FNBP1: variants seen among roughly 807,000 people sequenced by gnomAD.
FNBP1 encodes the protein formin-binding protein 1.
FNBP1 carries 26 observed loss-of-function variants against 90.6 expected under a neutral mutation model. That is an observed-to-expected ratio of 0.29 (90% CI 0.21 to 0.40). The LOEUF (loss-of-function observed/expected upper bound fraction) is 0.40, where lower values mean the gene tolerates loss of function less well. FNBP1 is among the 10% of genes least tolerant of loss of function. The pLI, the probability that FNBP1 is intolerant of heterozygous loss-of-function variation, is 1.00. For missense variants in FNBP1, 635 were observed against 768.0 expected (o/e 0.83, Z 2.05); for synonymous variants, 260 against 265.2 (o/e 0.98, Z 0.19).
chr9:130,007,652 G>A (rs909536329), intron 1 of FNBP1, among the ~76,000 whole-genome samples: 2 of 152,096 alleles, frequency 1.3e-5, no homozygotes, highest in Admixed American at 6.6e-5. Flanking sequence ...TACGGATGCG[G>A]TAAAAGCAAC....
chr9:129,919,472 T>C (rs1237806041), intron 10 of FNBP1, among the ~76,000 whole-genome samples: 3 of 152,202 alleles, frequency 2.0e-5, no homozygotes, highest in Non-Finnish European at 2.9e-5. Flanking sequence ...AAATTCCCCT[T>C]TGTAGACTGC....
chr9:129,938,996 A>G lies in FNBP1; in HGVS notation c.514-9301T>C, dbSNP rs1484415601. 2.0e-5 allele frequency among the ~76,000 whole-genome samples: 3 copies of G among 152,040 alleles called. No individual in the cohort carries two copies. The East Asian group carries it at 5.8e-4, about 30-fold the overall frequency. ...TTGAAATTGATTATTATTACTTTTG[A>G]GACAGAGTATCCCTCTTGTCACCCA... On this transcript the variant is annotated intron_variant, in intron 6 of 16. Transcript: ENST00000446176.
intron 6 of FNBP1, among the ~76,000 whole-genome samples, chr9:129,945,141 C>T (rs2045042655): frequency 6.6e-6 from 1 of 152,006 alleles, no homozygotes; most frequent in Non-Finnish European, 1.5e-5. Flanking sequence ...ATATAAACTC[C>T]ACAGACATAA....
At chr9:130,007,246 A>AAAAAAAAAAAAAAG (rs2055872007) in intron 1 of FNBP1, among the ~76,000 whole-genome samples, 1 of 148,930 alleles carries the variant, frequency 6.7e-6, no homozygotes, top group African/African-American at 2.5e-5. Flanking sequence ...TGTCAAAAAA[A>AAAAAAAAAAAAAAG]AAAAAAAAAA....
intron 1 of FNBP1, among the ~76,000 whole-genome samples, chr9:130,007,254 A>AAG (rs1554852455): frequency 7.3e-5 from 11 of 150,676 alleles, no homozygotes; most frequent in Non-Finnish European, 1.2e-4. Flanking sequence ...AAAAAAAAAA[A>AAG]AAAGAAAAAA....
At chr9:129,928,301 A>G (rs41367050) in intron 7 of FNBP1, among the ~76,000 whole-genome samples, 12,326 of 152,330 alleles carry the variant, frequency 0.081, 558 homozygotes, top group East Asian at 0.099. Context: ...TCTATAGTTA[A>G]GTTGGCATTT....
chr9:129,995,504 A>ACTGGG (rs2053854524), intron 1 of FNBP1, among the ~76,000 whole-genome samples: 2 of 152,176 alleles, frequency 1.3e-5, no homozygotes, highest in Non-Finnish European at 2.9e-5. Context: ...AAATGAACAA[A>ACTGGG]AATACAGCCT....
At chr9:129,985,230 T>TAC (rs1564504272) in intron 2 of FNBP1, among the ~76,000 whole-genome samples, 1 of 152,168 alleles carries the variant, frequency 6.6e-6, no homozygotes, top group East Asian at 1.9e-4. Context: ...AACACTCACC[T>TAC]ACACTCCATC....
intron 12 of FNBP1, among the ~76,000 whole-genome samples, chr9:129,907,542 C>T (rs1285500048): frequency 6.6e-6 from 1 of 150,776 alleles, no homozygotes; most frequent in African/African-American, 2.5e-5. Context: ...CAGTGGTATA[C>T]CTCTTGAGAC....
At chr9:129,921,496 C>T (rs112865641) in intron 10 of FNBP1, among the ~76,000 whole-genome samples, 1,949 of 151,976 alleles carry the variant, frequency 0.013, 18 homozygotes, top group Middle Eastern at 0.024. Context: ...CAGGTCCAAG[C>T]GATTCTCCTG....
At chr9:129,924,349 A>C (rs2041567178) in intron 9 of FNBP1, among the ~76,000 whole-genome samples, 1 of 152,230 alleles carries the variant, frequency 6.6e-6, no homozygotes, top group Non-Finnish European at 1.5e-5. Flanking sequence ...ACATTACCTA[A>C]ACTAACATAG....
intron 4 of FNBP1, among the ~76,000 whole-genome samples, chr9:129,971,566 T>G (rs1431767723): frequency 2.0e-5 from 3 of 152,176 alleles, no homozygotes; most frequent in Admixed American, 2.0e-4. Flanking sequence ...AATTTTTGTA[T>G]TTTTAGCAGA....
intron 6 of FNBP1, among the ~76,000 whole-genome samples, chr9:129,930,058 A>ATT (rs374886919): frequency 2.2e-5 from 3 of 138,260 alleles, no homozygotes; most frequent in South Asian, 2.3e-4. Context: ...TGAGAAATTC[A>ATT]TTTTTTTTTT....
chr9:130,053,321 A>T, the FNBP1 span: 1 of 152,502 alleles, frequency 6.6e-6, no homozygotes, highest in East Asian at 1.9e-4. Flanking sequence ...TTACCTGTAA[A>T]GTAGGAATAA....
chr9:129,981,948 C>T (rs550367753), intron 2 of FNBP1, among the ~76,000 whole-genome samples: 88 of 152,264 alleles, frequency 5.8e-4, no homozygotes, highest in African/African-American at 2.0e-3. Context: ...TTGGCATACA[C>T]GTCAACATAT....
chr9:130,050,796 A>G, the FNBP1 span, among the ~76,000 whole-genome samples: 1 of 145,494 alleles, frequency 6.9e-6, no homozygotes, highest in Non-Finnish European at 1.5e-5. Context: ...GCGTGTCACC[A>G]TGCCCGCTAA....
rs2059841766 is a variant in FNBP1 at position 130,041,782 on chromosome 9, CA to C, written c.24+1169del. Among the ~76,000 whole-genome samples, 1 of 152,074 alleles carries C rather than the reference CA, an allele frequency of 6.6e-6. No individual in the cohort carries two copies. The highest frequency in any genetic ancestry group is 2.4e-5 in the African/African-American group (1 of 41,430). On this transcript the variant is annotated intron_variant, in intron 1 of 16. Transcript: ENST00000446176. The surrounding 1 kb of genome is among the most constrained non-coding windows in gnomAD (Gnocchi z 4.3). ...ACAATTAAAGCAAAAGAAAACAAAA[CA>C]AAAAACAAGGGAGGATGTGCTCTGT...
At chr9:129,985,505 T>G (rs2052021059) in intron 2 of FNBP1, among the ~76,000 whole-genome samples, 1 of 152,164 alleles carries the variant, frequency 6.6e-6, no homozygotes, top group South Asian at 2.1e-4. Context: ...ACTCAACCAC[T>G]TCACTAAACT....
At chr9:129,929,767 C>T in intron 6 of FNBP1, 72 bp from the exon 7 acceptor site, 1 of 1,445,850 alleles carries the variant, frequency 6.9e-7, no homozygotes, top group South Asian at 1.2e-5. Flanking sequence ...TCAATAAAAG[C>T]CTAGAACTGC....
Sources: allele counts gnomAD v4.1 joint callset (sites outside exome capture counted in the v4.1 genomes callset), GRCh38; gene constraint gnomAD v4.1.1; non-coding constraint Gnocchi (gnomAD v3.1); transcripts MANE v1.5; gene names NCBI Gene and HGNC (gene_info 2026-07-23, HGNC 2026-07-21).